Variants in RAB38 observed in about 807,000 individuals in gnomAD.
RAB38 encodes RAB38, member RAS oncogene family, also known as ras-related protein Rab-38.
RAB38 carries 15 observed loss-of-function variants against 18.4 expected under a neutral mutation model. That is an observed-to-expected ratio of 0.82 (90% CI 0.55 to 1.26). The LOEUF is 1.26. Ranked by LOEUF, RAB38 falls within the 50% of genes most tolerant of loss-of-function variation. RAB38 has a pLI of 0.00. For missense variants in RAB38, 294 were observed against 267.4 expected (o/e 1.10, Z -0.69); for synonymous variants, 101 against 104.4 (o/e 0.97, Z 0.20).
the RAB38 span, among the ~76,000 whole-genome samples, chr11:87,908,125 C>T: frequency 2.0e-5 from 3 of 151,754 alleles, no homozygotes; most frequent in South Asian, 4.2e-4. Flanking sequence ...TTTGGTCTGG[C>T]CATATAGCAG....
chr11:88,020,689 C>A, the RAB38 span, among the ~76,000 whole-genome samples: 1 of 152,018 alleles, frequency 6.6e-6, no homozygotes, highest in South Asian at 2.1e-4. Context: ...CTTGAACAGA[C>A]CATATATTAG....
the RAB38 span, among the ~76,000 whole-genome samples, chr11:88,032,078 T>C: frequency 1.7e-4 from 25 of 151,268 alleles, no homozygotes; most frequent in Non-Finnish European, 7.4e-5. Context: ...TAATGCCGCA[T>C]ATCTACAACT....
In RAB38 at chr11:88,168,848, C is replaced by A. The variant is rs528495007; in HGVS notation, c.202+6335G>T. ...TCTTAAATTCAAGGACTTCACAAACCCATTCCTCAATTTCTCTATGACTTG... is the reference window on the plus strand; with the variant it reads ...TCTTAAATTCAAGGACTTCACAAACACATTCCTCAATTTCTCTATGACTTG... On this transcript the variant is annotated intron_variant, in intron 1 of 2. Transcript: ENST00000243662. Among the ~76,000 whole-genome samples, 4 of 152,244 alleles carry A rather than the reference C, an allele frequency of 2.6e-5. No individual in the cohort carries two copies. In the South Asian group the frequency reaches 8.3e-4, roughly 32 times the overall value.
the RAB38 span, among the ~76,000 whole-genome samples, chr11:87,878,629 G>T: frequency 6.6e-6 from 1 of 151,646 alleles, no homozygotes; most frequent in Non-Finnish European, 1.5e-5. Flanking sequence ...ATTGCTGACA[G>T]TGAGGCTGTG....
chr11:88,089,025 C>G, the RAB38 span, among the ~76,000 whole-genome samples: 4 of 151,786 alleles, frequency 2.6e-5, no homozygotes, highest in Middle Eastern at 3.4e-3. Flanking sequence ...CAGCAAGACA[C>G]AACAACAGTT....
chr11:87,963,875 T>A, the RAB38 span, among the ~76,000 whole-genome samples: 4 of 152,088 alleles, frequency 2.6e-5, no homozygotes, highest in Non-Finnish European at 5.9e-5. Flanking sequence ...CTCGAACTCC[T>A]GACCTTGTGA....
intron 1 of RAB38, among the ~76,000 whole-genome samples, chr11:88,174,574 C>T (rs9666730): frequency 0.17 from 25,301 of 147,290 alleles, 2,259 homozygotes; most frequent in African/African-American, 0.22. Flanking sequence ...ATACTTTGCC[C>T]CTGACATATA....
chr11:87,972,799 G>C, the RAB38 span, among the ~76,000 whole-genome samples: 1 of 151,960 alleles, frequency 6.6e-6, no homozygotes, highest in Non-Finnish European at 1.5e-5. Flanking sequence ...ACGTAATATG[G>C]TTTGGACTTG....
At chr11:87,946,323 T>C in the RAB38 span, among the ~76,000 whole-genome samples, 4 of 152,158 alleles carry the variant, frequency 2.6e-5, no homozygotes, top group Non-Finnish European at 1.5e-5. Flanking sequence ...TTCCTTGATG[T>C]ATGAGAACAT....
the RAB38 span, among the ~76,000 whole-genome samples, chr11:88,103,960 A>G: frequency 6.6e-6 from 1 of 152,160 alleles, no homozygotes; most frequent in Admixed American, 6.5e-5. Flanking sequence ...GTGAGGGTGG[A>G]AGACCTAGCG....
the RAB38 span, among the ~76,000 whole-genome samples, chr11:87,937,350 A>ATATATATATATATATATATATATC: frequency 9.0e-6 from 1 of 111,412 alleles, no homozygotes; most frequent in African/African-American, 3.0e-5. Flanking sequence ...ATATATATAT[A>ATATATATATATATATATATATATC]TCATAATTCT....
At chr11:87,969,718 A>G in the RAB38 span, among the ~76,000 whole-genome samples, 20 of 152,264 alleles carry the variant, frequency 1.3e-4, no homozygotes, top group South Asian at 3.7e-3. Context: ...CATTTCTAAC[A>G]CATATCTTAC....
At chr11:87,872,802 T>C in the RAB38 span, among the ~76,000 whole-genome samples, 1 of 151,772 alleles carries the variant, frequency 6.6e-6, no homozygotes, top group Middle Eastern at 3.4e-3. Context: ...GAACTTTTAA[T>C]GCTAGATAAT....
chr11:88,027,851 G>C, the RAB38 span, among the ~76,000 whole-genome samples: 7 of 152,106 alleles, frequency 4.6e-5, no homozygotes, highest in East Asian at 1.2e-3. Flanking sequence ...AAATGTCCCT[G>C]TCTGACAGCT....
chr11:87,894,720 T>A, the RAB38 span, among the ~76,000 whole-genome samples: 1 of 150,016 alleles, frequency 6.7e-6, no homozygotes, highest in Non-Finnish European at 1.5e-5. Context: ...AAATAATATG[T>A]ACACATTATA....
the RAB38 span, among the ~76,000 whole-genome samples, chr11:87,912,735 C>T: frequency 3.3e-5 from 4 of 122,630 alleles, no homozygotes; most frequent in Non-Finnish European, 5.4e-5. Context: ...TTCCTTTTTT[C>T]TACTTACTTT....
At chr11:87,953,705 ATCCAGTGAGAG>A in the RAB38 span, among the ~76,000 whole-genome samples, 1 of 152,174 alleles carries the variant, frequency 6.6e-6, no homozygotes, top group Non-Finnish European at 1.5e-5. Flanking sequence ...GGTTTCAGGC[ATCCAGTGAGAG>A]TCTTGCAACA....
At chr11:88,029,656 C>G in the RAB38 span, among the ~76,000 whole-genome samples, 376 of 152,150 alleles carry the variant, frequency 2.5e-3, 1 homozygote, top group South Asian at 7.1e-3. Flanking sequence ...ATGGTAAAGG[C>G]ATCAATTCAA....
At chr11:88,075,847 C>A in the RAB38 span, among the ~76,000 whole-genome samples, 1 of 150,922 alleles carries the variant, frequency 6.6e-6, no homozygotes, top group Non-Finnish European at 1.5e-5. Context: ...CACTGTTGTA[C>A]TCCAGCCTGA....
Sources: allele counts gnomAD v4.1 joint callset (sites outside exome capture counted in the v4.1 genomes callset), GRCh38; gene constraint gnomAD v4.1.1; transcripts MANE v1.5; gene names NCBI Gene and HGNC (gene_info 2026-07-23, HGNC 2026-07-21).